Variants in KAT6B observed in about 807,000 individuals in gnomAD.
The protein encoded by KAT6B is histone acetyltransferase KAT6B.
Under a neutral mutation model 187.5 loss-of-function variants are expected in KAT6B, and 10 were observed. The ratio of observed to expected loss-of-function variants is 0.05; its 90% CI spans 0.03 to 0.09. The LOEUF is 0.09. Among genes scored for constraint, KAT6B ranks in the 10% least tolerant of loss-of-function variants. KAT6B has a pLI of 1.00. For synonymous variants in KAT6B, 861 were observed against 926.8 expected (o/e 0.93, Z 1.29); for missense variants, 1,952 against 2,558.9 (o/e 0.76, Z 5.12).
intron 3 of KAT6B, among the ~76,000 whole-genome samples, chr10:74,906,416 C>T (rs1364135445): frequency 2.6e-5 from 4 of 151,488 alleles, no homozygotes; most frequent in Admixed American, 2.6e-4. Context: ...TCTTTTTTTT[C>T]CCTTTTTATA....
At chr10:74,981,217 G>A (rs1842483499) in intron 10 of KAT6B, among the ~76,000 whole-genome samples, 1 of 152,056 alleles carries the variant, frequency 6.6e-6, no homozygotes, top group African/African-American at 2.4e-5. Context: ...ACAAAGTAAA[G>A]GGAGCACATA....
chr10:74,945,772 T>TTGG lies in KAT6B; in HGVS notation c.622-14198_622-14197insTGG, dbSNP rs1839908256. Among the ~76,000 whole-genome samples the TTGG allele has an allele frequency of 3.3e-5, 5 of 152,338 alleles. No homozygotes were observed. In the East Asian group the frequency reaches 9.6e-4, roughly 29 times the overall value. ...CCGGCCTGCCCAAACTTTAAAAGGT[T>TTGG]GCGTGTTTTTGCAAATAAATTACAC... On this transcript the variant is annotated intron_variant, in intron 3 of 17. Transcript: ENST00000287239.
chr10:75,004,172 T>C (rs1844048874), intron 13 of KAT6B, among the ~76,000 whole-genome samples: 5 of 152,148 alleles, frequency 3.3e-5, no homozygotes, highest in Admixed American at 3.3e-4. Flanking sequence ...ATAATTGGTA[T>C]GAGAATAACC....
intron 3 of KAT6B, among the ~76,000 whole-genome samples, chr10:74,905,270 T>C (rs1358962421): frequency 1.3e-5 from 2 of 152,216 alleles, no homozygotes; most frequent in Non-Finnish European, 2.9e-5. Context: ...GAGAGATCAT[T>C]GCCTCAGGCC....
At chr10:75,017,272 G>A (rs1845044115) in intron 13 of KAT6B, among the ~76,000 whole-genome samples, 1 of 152,004 alleles carries the variant, frequency 6.6e-6, no homozygotes, top group Non-Finnish European at 1.5e-5. Flanking sequence ...TACTCAATAA[G>A]TGAAATGTTC....
chr10:74,953,794 G>A (rs1330681951), intron 3 of KAT6B, among the ~76,000 whole-genome samples: 17 of 152,134 alleles, frequency 1.1e-4, no homozygotes, highest in Admixed American at 1.1e-3. Flanking sequence ...CTCTGATTTT[G>A]TGCAGGAATT....
chr10:74,875,504 T>G, intron 3 of KAT6B, among the ~76,000 whole-genome samples: 1 of 148,016 alleles, frequency 6.8e-6, no homozygotes. Flanking sequence ...TGAGATGGAG[T>G]CTTGCACTGT....
In KAT6B at chr10:74,847,817, G is replaced by A. The variant is rs543641024; in HGVS notation, c.621+4339G>A. On this transcript the variant is annotated intron_variant, in intron 3 of 17. Transcript: ENST00000287239. ...AATTTAATAGAAATTCTTAGCCCGG[G>A]ATCCACAAATGAACTTGGGTGGGTA... 5.3e-5 allele frequency among the ~76,000 whole-genome samples: 8 copies of A among 151,896 alleles called. No individual in the cohort carries two copies. The South Asian group carries it at 1.7e-3, about 32-fold the overall frequency.
chr10:75,016,532 G>C (rs1415485992), intron 13 of KAT6B, among the ~76,000 whole-genome samples: 1 of 152,208 alleles, frequency 6.6e-6, no homozygotes, highest in Non-Finnish European at 1.5e-5. Flanking sequence ...TGTGGATGAG[G>C]GGTTTATGGG....
At chr10:74,866,148 T>C (rs1484701935) in intron 3 of KAT6B, among the ~76,000 whole-genome samples, 1 of 151,908 alleles carries the variant, frequency 6.6e-6, no homozygotes, top group Non-Finnish European at 1.5e-5. Flanking sequence ...AATTACTTAT[T>C]TGGGGGATAA....
intron 3 of KAT6B, among the ~76,000 whole-genome samples, chr10:74,939,690 T>C (rs983983424): frequency 6.6e-6 from 1 of 152,250 alleles, no homozygotes; most frequent in African/African-American, 2.4e-5. Context: ...TGAGCCACTG[T>C]GCCCAGCTGG....
chr10:74,999,705 A>G lies in KAT6B; in HGVS notation c.2629+10593A>G, dbSNP rs1843697318. Among the ~76,000 whole-genome samples the G allele has an allele frequency of 3.9e-5, 6 of 152,330 alleles. No individual in the cohort carries two copies. The South Asian group carries it at 1.2e-3, about 32-fold the overall frequency. Reference sequence around the variant, plus strand: ...ACATTTACTCACTTAGTCCTCACGGAGACCCTATGGGGTAGGTTACTGTGA... The same window carrying G: ...ACATTTACTCACTTAGTCCTCACGGGGACCCTATGGGGTAGGTTACTGTGA... On this transcript the variant is annotated intron_variant, in intron 13 of 17. Transcript: ENST00000287239.
intron 3 of KAT6B, among the ~76,000 whole-genome samples, chr10:74,918,078 A>C (rs1847834512): frequency 6.6e-6 from 1 of 152,190 alleles, no homozygotes. Flanking sequence ...TCTAGTTTTA[A>C]ACTGCACAAC....
At chr10:75,004,681 T>C (rs974819123) in intron 13 of KAT6B, among the ~76,000 whole-genome samples, 1 of 152,158 alleles carries the variant, frequency 6.6e-6, no homozygotes, top group African/African-American at 2.4e-5. Context: ...CCAGTTAAGA[T>C]ATATAGAAGA....
intron 2 of KAT6B, among the ~76,000 whole-genome samples, chr10:74,839,158 A>C (rs549062446): frequency 7.9e-4 from 110 of 140,078 alleles, no homozygotes; most frequent in East Asian, 1.6e-3. Context: ...TGTGCCCCCC[A>C]AAAAAAAAAA....
intron 3 of KAT6B, among the ~76,000 whole-genome samples, chr10:74,871,185 C>CTTTTTTTTTT (rs746074814): frequency 5.2e-5 from 4 of 76,742 alleles, no homozygotes; most frequent in Non-Finnish European, 9.4e-5. Flanking sequence ...CAAGCCTGGC[C>CTTTTTTTTTT]TTTTTTTTTT....
At chr10:74,971,091 A>G (rs1281326641) in intron 6 of KAT6B, among the ~76,000 whole-genome samples, 6 of 152,158 alleles carry the variant, frequency 3.9e-5, no homozygotes, top group East Asian at 3.9e-4. Context: ...TTACGTTCCA[A>G]TTTGCTTCAG....
chr10:74,913,855 C>T (rs987284451), intron 3 of KAT6B, among the ~76,000 whole-genome samples: 29 of 152,148 alleles, frequency 1.9e-4, no homozygotes, highest in Admixed American at 6.5e-5. Context: ...TTCTCTGTGC[C>T]AGTATAGTAG....
At chr10:74,853,712 C>T (rs1485827402) in intron 3 of KAT6B, among the ~76,000 whole-genome samples, 1 of 150,950 alleles carries the variant, frequency 6.6e-6, no homozygotes, top group Non-Finnish European at 1.5e-5. Context: ...ACTGCAACCT[C>T]CGCCTCCCAG....
Sources: gnomAD v4.1 joint callset for allele counts (sites outside exome capture counted in the v4.1 genomes callset) on GRCh38, gnomAD v4.1.1 for gene constraint, MANE v1.5 for transcripts, NCBI Gene and HGNC (gene_info 2026-07-23, HGNC 2026-07-21) for gene names.